GALNT17: variants seen among roughly 807,000 people sequenced by gnomAD.
The protein encoded by GALNT17 is polypeptide N-acetylgalactosaminyltransferase 17, also known as UDP-GalNAc:polypeptide N-acetylgalactosaminyltransferase-like 3.
A neutral mutation model predicts 63.7 loss-of-function variants in GALNT17; 29 were observed. The ratio of observed to expected loss-of-function variants is 0.46; its 90% CI spans 0.34 to 0.62. The LOEUF is 0.62. Ranked by LOEUF, GALNT17 falls within the 20% of genes least tolerant of loss-of-function variation. The pLI is 0.01. For synonymous variants in GALNT17, 305 were observed against 318.3 expected, an observed-to-expected ratio of 0.96 and a Z score of 0.45; for missense variants, 603 against 799.6, an observed-to-expected ratio of 0.75 and a Z score of 2.97.
intron 6 of GALNT17, among the ~76,000 whole-genome samples, chr7:71,623,012 G>T (rs1010568424): frequency 6.6e-6 from 1 of 152,146 alleles, no homozygotes; most frequent in Non-Finnish European, 1.5e-5. Flanking sequence ...TCCTCTGAAT[G>T]ACTGTGGTAT....
chr7:71,143,493 G>A (rs1787956313), intron 1 of GALNT17, among the ~76,000 whole-genome samples: 2 of 152,116 alleles, frequency 1.3e-5, no homozygotes, highest in Non-Finnish European at 2.9e-5. Flanking sequence ...GGGATTCCTG[G>A]CAAGGGAATG....
intron 7 of GALNT17, among the ~76,000 whole-genome samples, chr7:71,668,516 C>A (rs1255294136): frequency 3.8e-4 from 24 of 62,960 alleles, no homozygotes; most frequent in Admixed American, 5.7e-4. Flanking sequence ...GACACCATCT[C>A]AAAAAAAAAA....
intron 9 of GALNT17, among the ~76,000 whole-genome samples, chr7:71,685,156 A>G (rs1484733489): frequency 6.6e-6 from 1 of 152,162 alleles, no homozygotes; most frequent in Non-Finnish European, 1.5e-5. Context: ...CACAGTGGAA[A>G]GACTCATAGG....
chr7:71,581,452 G>T (rs772639290), intron 6 of GALNT17, among the ~76,000 whole-genome samples: 18 of 152,068 alleles, frequency 1.2e-4, no homozygotes, highest in Non-Finnish European at 1.0e-4. Flanking sequence ...GAGCCACTGC[G>T]CCCGGCCACG....
chr7:71,532,894 C>T (rs995273818), intron 5 of GALNT17, among the ~76,000 whole-genome samples: 1 of 152,188 alleles, frequency 6.6e-6, no homozygotes. Flanking sequence ...CACCATTTCT[C>T]CTCATTTTGG....
chr7:71,277,855 G>T (rs1790709898), intron 1 of GALNT17, among the ~76,000 whole-genome samples: 1 of 152,214 alleles, frequency 6.6e-6, no homozygotes, highest in South Asian at 2.1e-4. Flanking sequence ...TGTGCCATGG[G>T]CGGTCACCCG....
intron 5 of GALNT17, among the ~76,000 whole-genome samples, chr7:71,424,170 T>C (rs1350973313): frequency 3.3e-5 from 5 of 152,150 alleles, no homozygotes; most frequent in African/African-American, 1.2e-4. Context: ...GTTAACTAAA[T>C]CTAAGCCTTC....
At chr7:71,422,040 A>T (rs1786675629) in intron 5 of GALNT17, among the ~76,000 whole-genome samples, 1 of 152,008 alleles carries the variant, frequency 6.6e-6, no homozygotes. Flanking sequence ...ACAAGTTACT[A>T]TGAAAATAAT....
intron 1 of GALNT17, among the ~76,000 whole-genome samples, chr7:71,207,827 GT>G (rs1228167027): frequency 1.3e-5 from 2 of 152,124 alleles, no homozygotes; most frequent in Non-Finnish European, 2.9e-5. Flanking sequence ...GTTGAAGGTG[GT>G]TTTGTGGGCA....
In GALNT17 at chr7:71,448,055, TATGTGTAAA is replaced by T. The variant is rs529408697; in HGVS notation, c.962+26952_962+26960del. 6.6e-4 allele frequency among the ~76,000 whole-genome samples: 100 copies of T among 152,320 alleles called. No homozygotes were observed. The East Asian group carries it at 0.018, about 27-fold the overall frequency. On this transcript the variant is annotated intron_variant, in intron 5 of 10. Transcript: ENST00000333538. The stretch of plus-strand genomic sequence containing the variant: ...TTCAAATAACTATTTTTAGTGCTTG[TATGTGTAAA>T]AATGTCTGGATTCTGCCTTCCACTT...
intron 1 of GALNT17, among the ~76,000 whole-genome samples, chr7:71,270,416 T>C (rs1034015734): frequency 6.6e-6 from 1 of 151,534 alleles, no homozygotes; most frequent in Non-Finnish European, 1.5e-5. Context: ...TCCTAGCTAC[T>C]CTGGAGGCTG....
At chr7:71,224,682 G>C (rs142573415) in intron 1 of GALNT17, among the ~76,000 whole-genome samples, 1 of 152,140 alleles carries the variant, frequency 6.6e-6, no homozygotes, top group Non-Finnish European at 1.5e-5. Context: ...CAGAGGAACT[G>C]TTCTTTCTTT....
intron 5 of GALNT17, among the ~76,000 whole-genome samples, chr7:71,487,366 A>G (rs936540355): frequency 2.6e-5 from 4 of 152,138 alleles, no homozygotes; most frequent in Non-Finnish European, 5.9e-5. Flanking sequence ...AATGGAGAAG[A>G]CCAGGAGCAA....
intron 6 of GALNT17, among the ~76,000 whole-genome samples, chr7:71,579,960 G>A (rs1328043328): frequency 6.6e-6 from 1 of 151,964 alleles, no homozygotes; most frequent in Non-Finnish European, 1.5e-5. Context: ...GATAGATAGA[G>A]GGATGATAGA....
chr7:71,256,081 G>C (rs1031461038), intron 1 of GALNT17, among the ~76,000 whole-genome samples: 1 of 152,028 alleles, frequency 6.6e-6, no homozygotes. Flanking sequence ...ATAAAACCTT[G>C]GTCTCCACAA....
rs549569380 is a variant in GALNT17 at position 71,336,984 on chromosome 7, C to T, written c.422+1251C>T. The stretch of plus-strand genomic sequence containing the variant: ...TATAACCATTACCTTTTCTTCACAA[C>T]CTCTCCAGCATCTGTTATTTTTTTT... On this transcript the variant is annotated intron_variant, in intron 2 of 10. Coordinates refer to ENST00000333538, the MANE Select transcript of GALNT17 (RefSeq NM_022479.3). 1.3e-4 allele frequency among the ~76,000 whole-genome samples: 20 copies of T among 152,222 alleles called. 1 individual carries two copies. Among genetic ancestry groups the T allele is most frequent in the Admixed American group, 1.2e-3 (18 of 15,276 alleles).
At chr7:71,291,528 A>G (rs1366229385) in intron 1 of GALNT17, among the ~76,000 whole-genome samples, 1 of 152,074 alleles carries the variant, frequency 6.6e-6, no homozygotes, top group Non-Finnish European at 1.5e-5. Flanking sequence ...TGGTTTCAGT[A>G]TTTTACATCT....
At chr7:71,266,341 G>T (rs6951554) in intron 1 of GALNT17, among the ~76,000 whole-genome samples, 8,927 of 152,178 alleles carry the variant, frequency 0.059, 898 homozygotes, top group African/African-American at 0.2. Flanking sequence ...TGAATCATGG[G>T]AGCGGACTTC....
At chr7:71,415,712 A>G (rs577518640) in intron 3 of GALNT17, among the ~76,000 whole-genome samples, 177 bp from the exon 4 acceptor site, 2 of 152,206 alleles carry the variant, frequency 1.3e-5, no homozygotes, top group Non-Finnish European at 2.9e-5. Flanking sequence ...GGGTGAATGC[A>G]TCAGAGATGT....
Sources: gnomAD v4.1 joint callset for allele counts (sites outside exome capture counted in the v4.1 genomes callset) on GRCh38, gnomAD v4.1.1 for gene constraint, MANE v1.5 for transcripts, NCBI Gene and HGNC (gene_info 2026-07-23, HGNC 2026-07-21) for gene names.